Variants in PNCK observed in about 807,000 individuals in gnomAD.
PNCK encodes calcium/calmodulin-dependent protein kinase type 1B.
In PNCK, 21 loss-of-function variants were observed where a neutral mutation model predicts 28.3. That is an observed-to-expected ratio of 0.74 (90% CI 0.53 to 1.07). PNCK has a LOEUF of 1.07. Among genes scored for constraint, PNCK ranks in the 50% least tolerant of loss-of-function variants. The probability of loss-of-function intolerance (pLI) is 0.00; values close to 1 mark genes in which losing one functional copy is unlikely to be tolerated. For missense variants in PNCK, 250 were observed against 298.3 expected (o/e 0.84, Z 1.19); for synonymous variants, 136 against 125.2 (o/e 1.09, Z -0.58).
intron 1 of PNCK, among the ~76,000 whole-genome samples, chrX:153,685,523 G>C (rs782580255): frequency 8.0e-5 from 9 of 112,002 alleles, no homozygotes; most frequent in Admixed American, 6.5e-4. Context: ...TGGCCGACGT[G>C]GGGAGGGTTC....
chrX:153,677,589 T>C (rs1210003108), upstream of PNCK, among the ~76,000 whole-genome samples: 1 of 95,096 alleles, frequency 1.1e-5, no homozygotes, highest in Non-Finnish European at 2.1e-5. Context: ...ATATAGTGTA[T>C]ATATATATAT....
At chrX:153,676,312 G>A (rs1246186890), upstream of PNCK, among the ~76,000 whole-genome samples, 2 of 111,027 alleles carry the variant, frequency 1.8e-5, no homozygotes, top group Admixed American at 9.6e-5. Flanking sequence ...TTTCTAAGCC[G>A]TTTCGTAAGC....
intron 1 of PNCK, among the ~76,000 whole-genome samples, chrX:153,681,190 G>C (rs1050939844): frequency 8.9e-6 from 1 of 112,004 alleles, no homozygotes; most frequent in Admixed American, 9.4e-5. Flanking sequence ...ATAAATAAAT[G>C]ATTACATAAA....
chrX:153,673,809 G>A lies in PNCK; in HGVS notation c.-32C>T. ...AGCGGGTGCCGCAGCGTCGTGCCGCGCAGTGGCCGCAGCGCCAAGCCCCCC... is the reference window on the plus strand; with the variant it reads ...AGCGGGTGCCGCAGCGTCGTGCCGCACAGTGGCCGCAGCGCCAAGCCCCCC... On this transcript the variant is annotated 5_prime_UTR_variant, in exon 1 of 12. Coordinates refer to ENST00000340888, the MANE Select transcript of PNCK (RefSeq NM_001366977.1). 2.7e-6 allele frequency: 2 copies of A among 749,290 alleles called. No individual in the cohort carries two copies. The highest frequency in any genetic ancestry group is 3.1e-6 in the Non-Finnish European group (2 of 636,386). 61.7% of individuals were successfully genotyped at this position (749,290 alleles called of 1,213,427 possible). A position where few individuals can be genotyped will look rare whatever the true frequency, so the allele number is the denominator to read the frequency against.
At chrX:153,684,727 C>A (rs1336305549) in intron 1 of PNCK, among the ~76,000 whole-genome samples, 2 of 110,316 alleles carry the variant, frequency 1.8e-5, no homozygotes, top group Non-Finnish European at 3.8e-5. Context: ...CCCAGCCCCT[C>A]CCCGGTCCGC....
chrX:153,683,775 A>C (rs2091405468), intron 1 of PNCK, among the ~76,000 whole-genome samples: 1 of 111,153 alleles, frequency 9.0e-6, no homozygotes, highest in Admixed American at 9.6e-5. Flanking sequence ...GTGGGGGATG[A>C]TTCTTGTGTG....
At chrX:153,677,590 A>ATATATAGTG (rs2091373048), upstream of PNCK, among the ~76,000 whole-genome samples, 1 of 95,095 alleles carries the variant, frequency 1.1e-5, no homozygotes, top group African/African-American at 4.1e-5. Context: ...TATAGTGTAT[A>ATATATAGTG]TATATATATA....
At chrX:153,673,755 C>G in intron 1 of PNCK, 25 bp downstream of exon 1, 1 of 741,288 alleles carries the variant, frequency 1.3e-6, no homozygotes, top group Non-Finnish European at 1.6e-6. Context: ...CCCGCGCGTC[C>G]CCGCGCCCCG....
chrX:153,675,342 A>G, upstream of PNCK: 1 of 111,997 alleles, frequency 8.9e-6, no homozygotes, highest in South Asian at 3.8e-4. Context: ...AAAGAGACCT[A>G]TCTGAGGGGC....
chrX:153,679,641 AGCTCACTGCAACCTCT>A (rs1436086755), upstream of PNCK, among the ~76,000 whole-genome samples: 1 of 91,103 alleles, frequency 1.1e-5, no homozygotes, highest in Non-Finnish European at 2.1e-5. Context: ...GTGCAATCTC[AGCTCACTGCAACCTCT>A]GCCTCCTGAG....
At chrX:153,674,380 G>A (rs1603206383), upstream of PNCK, 2 of 468,404 alleles carry the variant, frequency 4.3e-6, no homozygotes, top group East Asian at 4.4e-5. Flanking sequence ...AGTCCTTAGG[G>A]GGCGGCCTAA....
rs1460270465 is a variant in PNCK at position 153,670,964 on chromosome X, C to G, written c.760G>C (p.Asp254His). 2 of 1,210,561 alleles carry G rather than the reference C, an allele frequency of 1.7e-6. No homozygotes were observed. Among genetic ancestry groups the G allele is most frequent in the African/African-American group, 3.5e-5 (2 of 57,306 alleles). Residue 254 changes from aspartate to histidine, a missense_variant, in exon 9 of 12, where the codon GAC becomes CAC. Coordinates refer to ENST00000340888, the MANE Select transcript of PNCK (RefSeq NM_001366977.1). ...KDFIRHLLER[D>H]PQKRFTCQQA... is the part of the protein sequence containing the mutation. Reference sequence around the variant, plus strand: ...TGGCAGGTGAACCTCTTCTGGGGGTCTCGCTCCAGAAGGTGCCGGATGAAG... The same window carrying G: ...TGGCAGGTGAACCTCTTCTGGGGGTGTCGCTCCAGAAGGTGCCGGATGAAG...
intron 1 of PNCK, among the ~76,000 whole-genome samples, chrX:153,681,891 A>C (rs1464534304): frequency 8.9e-6 from 1 of 111,960 alleles, no homozygotes; most frequent in Non-Finnish European, 1.9e-5. Flanking sequence ...TATTGGGTAC[A>C]ACGTTCACTA....
At chrX:153,674,096 C>T (rs2091349283), upstream of PNCK, 2 of 1,210,550 alleles carry the variant, frequency 1.7e-6, no homozygotes, top group Non-Finnish European at 2.2e-6. Flanking sequence ...GTCGGCAAGG[C>T]TCTCTGCCTT....
chrX:153,679,566 C>CTTTT (rs1211891003), upstream of PNCK, among the ~76,000 whole-genome samples: 26 of 46,058 alleles, frequency 5.6e-4, no homozygotes, highest in African/African-American at 7.4e-4. Flanking sequence ...CTTTTCTTTT[C>CTTTT]TTTTTTTTTT....
intron 1 of PNCK, among the ~76,000 whole-genome samples, chrX:153,684,324 CAAAT>C (rs1262663648): frequency 2.7e-5 from 3 of 112,344 alleles, no homozygotes; most frequent in Non-Finnish European, 5.6e-5. Flanking sequence ...ATCTATAAAA[CAAAT>C]AAAACCAGCC....
chrX:153,682,841 T>TATA (rs1557042624), intron 1 of PNCK, among the ~76,000 whole-genome samples: 4 of 112,397 alleles, frequency 3.6e-5, no homozygotes, highest in Non-Finnish European at 7.5e-5. Flanking sequence ...CCAGCGCCTA[T>TATA]CCCAAAACCT....
chrX:153,679,606 C>A (rs1327575859), upstream of PNCK, among the ~76,000 whole-genome samples: 20 of 34,488 alleles, frequency 5.8e-4, no homozygotes, highest in African/African-American at 2.2e-3. Flanking sequence ...CAGTCTTATT[C>A]TGTTGCCCAG....
At chrX:153,673,727 G>A in intron 1 of PNCK, 53 bp downstream of exon 1, 2 of 693,741 alleles carry the variant, frequency 2.9e-6, no homozygotes, top group Non-Finnish European at 3.4e-6. Flanking sequence ...CCGCGGGCCG[G>A]ATCCGGTGCG....
Sources: gnomAD v4.1 joint callset for allele counts (sites outside exome capture counted in the v4.1 genomes callset) on GRCh38, gnomAD v4.1.1 for gene constraint, MANE v1.5 for transcripts, NCBI Gene and HGNC (gene_info 2026-07-23, HGNC 2026-07-21) for gene names.